Variants in VSTM2B observed in about 807,000 individuals in gnomAD.
The protein encoded by VSTM2B is V-set and transmembrane domain containing 2B.
A neutral mutation model predicts 24.0 loss-of-function variants in VSTM2B; 24 were observed. The observed-to-expected ratio is 1.00, with a 90% CI of 0.72 to 1.40. The LOEUF (loss-of-function observed/expected upper bound fraction) is 1.40. Among genes scored for constraint, VSTM2B ranks in the 40% most tolerant of loss-of-function variants. The pLI is 0.00. For missense variants in VSTM2B, 399 were observed against 416.4 expected (o/e 0.96, Z 0.36); for synonymous variants, 226 against 194.4 (o/e 1.16, Z -1.35).
chr19:29,526,576 CG>C lies in VSTM2B; in HGVS notation c.-7del. 6.6e-7 allele frequency: 1 copy of C among 1,510,278 alleles called. No homozygotes were observed. The highest frequency in any genetic ancestry group is 2.6e-5 in the East Asian group (1 of 37,952). The allele number at this position is 1,510,278 out of a possible 1,614,324, so 93.6% of individuals were successfully genotyped here. On this transcript the variant is annotated 5_prime_UTR_variant, in exon 1 of 5. Transcript: ENST00000335523. The surrounding 1 kb of genome is among the most constrained non-coding windows in gnomAD (Gnocchi z 4.1). ...GGGCCCCCGCCGCCACCGCGCCCCCCGCGGGAGATGGAACAGCGGAACCGGC... is the reference window on the plus strand; with the variant it reads ...GGGCCCCCGCCGCCACCGCGCCCCCCCGGGAGATGGAACAGCGGAACCGGC...
chr19:29,536,127 C>G (rs1238577772), intron 4 of VSTM2B, among the ~76,000 whole-genome samples: 3 of 152,226 alleles, frequency 2.0e-5, no homozygotes, highest in Admixed American at 2.0e-4. Flanking sequence ...CATCCTCTCC[C>G]CCAGCAGCCA....
At chr19:29,536,251 G>A (rs780838390) in intron 4 of VSTM2B, among the ~76,000 whole-genome samples, 2 of 152,216 alleles carry the variant, frequency 1.3e-5, no homozygotes, top group Non-Finnish European at 2.9e-5. Flanking sequence ...CCAGGACAAA[G>A]CAGTCTGTGC....
intron 4 of VSTM2B, among the ~76,000 whole-genome samples, chr19:29,548,627 G>A (rs886066909): frequency 4.6e-5 from 7 of 152,316 alleles, no homozygotes; most frequent in South Asian, 4.1e-4. Context: ...CCAGTGCTGC[G>A]TCCAGGGGAG....
chr19:29,542,365 A>T (rs1462615649), intron 4 of VSTM2B, among the ~76,000 whole-genome samples: 2 of 151,044 alleles, frequency 1.3e-5, no homozygotes, highest in Non-Finnish European at 3.0e-5. Context: ...GTGGGTAAGA[A>T]GAAGGGTGAA....
At chr19:29,531,595 C>G (rs536933989) in intron 4 of VSTM2B, among the ~76,000 whole-genome samples, 12 of 152,344 alleles carry the variant, frequency 7.9e-5, no homozygotes, top group African/African-American at 2.9e-4. Flanking sequence ...ACTGTAGCAG[C>G]CGCCTCAGTG....
intron 4 of VSTM2B, among the ~76,000 whole-genome samples, chr19:29,556,108 A>G (rs11879408): frequency 0.088 from 13,317 of 151,904 alleles, 1,226 homozygotes; most frequent in African/African-American, 0.23. Context: ...ACAAAAAAAA[A>G]AAAAGAAAGA....
chr19:29,556,236 T>C (rs12460585), intron 4 of VSTM2B, among the ~76,000 whole-genome samples: 34,707 of 151,784 alleles, frequency 0.23, 5,621 homozygotes, highest in African/African-American at 0.46. Context: ...TCAGCTTCAG[T>C]CCTGGGATGC....
intron 4 of VSTM2B, among the ~76,000 whole-genome samples, chr19:29,530,521 G>A (rs1969729334): frequency 1.3e-5 from 2 of 152,232 alleles, no homozygotes; most frequent in African/African-American, 4.8e-5. Flanking sequence ...ATGAATGGAG[G>A]AGGGGGCTGC....
Position 29,535,125 on chromosome 19 carries a change from G to T in VSTM2B, c.769+4835G>T, listed in dbSNP as rs181077939. Among the ~76,000 whole-genome samples the T allele has an allele frequency of 7.2e-4, 109 of 152,356 alleles. 1 individual carries two copies. The highest frequency in any genetic ancestry group is 3.4e-3 in the Middle Eastern group (1 of 294). ...ACATGGACTGCATTAGCAGAGCAGAGCAGGCGCAGGAGGCTGGGCCCCGTC... is the reference window on the plus strand; with the variant it reads ...ACATGGACTGCATTAGCAGAGCAGATCAGGCGCAGGAGGCTGGGCCCCGTC... On this transcript the variant is annotated intron_variant, in intron 4 of 4. Coordinates refer to ENST00000335523, the MANE Select transcript of VSTM2B (RefSeq NM_001146339.2).
intron 4 of VSTM2B, among the ~76,000 whole-genome samples, chr19:29,533,976 C>A (rs1392400208): frequency 6.6e-6 from 1 of 152,182 alleles, no homozygotes; most frequent in East Asian, 1.9e-4. Context: ...CAGAAAGGAC[C>A]GCTGCCTCTT....
At chr19:29,528,749 C>T (rs2069544762) in intron 3 of VSTM2B, among the ~76,000 whole-genome samples, 1 of 152,252 alleles carries the variant, frequency 6.6e-6, no homozygotes, top group Admixed American at 6.5e-5. Context: ...GCGCTTAGGG[C>T]CTCTCGCGCC....
At chr19:29,529,255 C>A (rs114215466) in intron 3 of VSTM2B, among the ~76,000 whole-genome samples, 1 of 152,240 alleles carries the variant, frequency 6.6e-6, no homozygotes, top group Admixed American at 6.5e-5. Context: ...GCAGCCTCAG[C>A]GTTGCTTGCC....
At chr19:29,555,083 T>A (rs1466345452) in intron 4 of VSTM2B, among the ~76,000 whole-genome samples, 2 of 152,148 alleles carry the variant, frequency 1.3e-5, no homozygotes, top group Non-Finnish European at 2.9e-5. Context: ...TACAGAAGTC[T>A]CCACCCTAAA....
chr19:29,538,265 C>G (rs560363478), intron 4 of VSTM2B, among the ~76,000 whole-genome samples: 4 of 152,302 alleles, frequency 2.6e-5, no homozygotes, highest in South Asian at 2.1e-4. Flanking sequence ...GTTCCGTCAT[C>G]TGTTATCATC....
At chr19:29,528,267 G>A (rs1475867452) in intron 2 of VSTM2B, among the ~76,000 whole-genome samples, 166 bp from the exon 3 acceptor site, 4 of 152,206 alleles carry the variant, frequency 2.6e-5, no homozygotes, top group Non-Finnish European at 4.4e-5. Flanking sequence ...TTCCTCCTGG[G>A]AAACTCTTGG....
Position 29,526,395 on chromosome 19 carries a change from G to C in VSTM2B, c.-189G>C. The C allele has an allele frequency of 4.7e-6, 1 of 211,312 alleles. No homozygotes were observed. The highest frequency in any genetic ancestry group is 9.2e-6 in the Non-Finnish European group (1 of 108,772). 13.1% of individuals were successfully genotyped at this position (211,312 alleles called of 1,614,324 possible). A position where few individuals can be genotyped will look rare whatever the true frequency, so the allele number is the denominator to read the frequency against. ...ACACCCCGCGCAGCGCCCCCCGCCGGAGCCGCACCGGGCAAGCCGGCGAGG... is the reference window on the plus strand; with the variant it reads ...ACACCCCGCGCAGCGCCCCCCGCCGCAGCCGCACCGGGCAAGCCGGCGAGG... On this transcript the variant is annotated 5_prime_UTR_variant, in exon 1 of 5. Transcript: ENST00000335523. This position sits in a 1 kb window ranked among gnomAD's most constrained non-coding sequence, Gnocchi z 4.1.
intron 2 of VSTM2B, 31 bp from the exon 3 acceptor site, chr19:29,528,402 T>G: frequency 6.4e-7 from 1 of 1,551,142 alleles, no homozygotes; most frequent in South Asian, 1.2e-5. Flanking sequence ...GCCGCGAGCC[T>G]CACGTCTCTC....
rs759631839 is a variant in VSTM2B at position 29,527,435 on chromosome 19, C to A, written c.267+40C>A. 70 of 1,420,350 alleles carry A rather than the reference C, an allele frequency of 4.9e-5. 1 individual carries two copies. In the South Asian group the frequency reaches 8.3e-4, roughly 17 times the overall value. The allele number at this position is 1,420,350 out of a possible 1,614,324, so 88.0% of individuals were successfully genotyped here. ...ACGCGGTACCGGCGCGCGCCCGGCT[C>A]GCGCCCGGGGCGGCGAAGGCTAACC... On this transcript the variant is annotated intron_variant, in intron 2 of 4. Coordinates refer to ENST00000335523, the MANE Select transcript of VSTM2B (RefSeq NM_001146339.2).
intron 4 of VSTM2B, among the ~76,000 whole-genome samples, chr19:29,541,497 G>T (rs35211155): frequency 0.058 from 8,834 of 151,970 alleles, 312 homozygotes; most frequent in Middle Eastern, 0.11. Context: ...AATGGATGGG[G>T]AGAAGGAAGA....
Sources: gnomAD v4.1 joint callset for allele counts (sites outside exome capture counted in the v4.1 genomes callset) on GRCh38, gnomAD v4.1.1 for gene constraint, Gnocchi (gnomAD v3.1) non-coding constraint, MANE v1.5 for transcripts, NCBI Gene and HGNC (gene_info 2026-07-23, HGNC 2026-07-21) for gene names.